GPHN: variants seen among roughly 807,000 people sequenced by gnomAD.
GPHN encodes the protein gephyrin.
A neutral mutation model predicts 95.5 loss-of-function variants in GPHN; 17 were observed. The observed-to-expected ratio is 0.18, with a 90% CI of 0.12 to 0.27. GPHN has a LOEUF of 0.27. Ranked by LOEUF, GPHN falls within the 10% of genes least tolerant of loss-of-function variation. GPHN has a pLI of 1.00. For missense variants in GPHN, 660 were observed against 978.1 expected, an observed-to-expected ratio of 0.67 and a Z score of 4.34; for synonymous variants, 320 against 322.5, an observed-to-expected ratio of 0.99 and a Z score of 0.08.
At chr14:67,357,780 G>C in the GPHN span, among the ~76,000 whole-genome samples, 1 of 152,210 alleles carries the variant, frequency 6.6e-6, no homozygotes, top group Non-Finnish European at 1.5e-5. Flanking sequence ...AGAAGAGTCA[G>C]AGAAGAGAAA....
chr14:67,604,700 AAAAC>A, the GPHN span, among the ~76,000 whole-genome samples: 2 of 144,726 alleles, frequency 1.4e-5, no homozygotes, highest in Admixed American at 7.3e-5. Context: ...AGAGCGAGAA[AAAAC>A]AAACAAAACA....
chr14:66,910,637 T>C (rs1051145473), intron 5 of GPHN, among the ~76,000 whole-genome samples: 1 of 151,996 alleles, frequency 6.6e-6, no homozygotes, highest in Non-Finnish European at 1.5e-5. Context: ...CACACACATA[T>C]GTATATATAT....
At chr14:67,698,276 G>A in the GPHN span, among the ~76,000 whole-genome samples, 1 of 152,136 alleles carries the variant, frequency 6.6e-6, no homozygotes, top group Non-Finnish European at 1.5e-5. Context: ...GAGCCATAAT[G>A]GAATCTAGAT....
chr14:67,248,300 C>T, the GPHN span, among the ~76,000 whole-genome samples: 4 of 151,708 alleles, frequency 2.6e-5, no homozygotes, highest in Non-Finnish European at 5.9e-5. Flanking sequence ...GTGGGAGGGT[C>T]GCTTGAGCCC....
chr14:67,146,004 G>T (rs2080875025), intron 18 of GPHN, among the ~76,000 whole-genome samples: 1 of 152,164 alleles, frequency 6.6e-6, no homozygotes, highest in Admixed American at 6.5e-5. Context: ...GACACAGCTG[G>T]TCACTGGTCT....
intron 1 of GPHN, among the ~76,000 whole-genome samples, chr14:66,604,921 G>T (rs75077884): frequency 7.6e-6 from 1 of 131,682 alleles, no homozygotes. Context: ...TATGTATTCC[G>T]TTATTTAGGT....
At chr14:67,573,400 C>T in the GPHN span, 12 of 1,448,440 alleles carry the variant, frequency 8.3e-6, no homozygotes, top group East Asian at 6.8e-5. The surrounding 1 kb of genome is among the most constrained non-coding windows in gnomAD (Gnocchi z 4.8). Flanking sequence ...AGAGTCTCCC[C>T]GCCCAGCACT....
chr14:67,492,180 G>A, the GPHN span, among the ~76,000 whole-genome samples: 17 of 152,254 alleles, frequency 1.1e-4, no homozygotes, highest in African/African-American at 3.4e-4. Flanking sequence ...GCCTTGGAGG[G>A]TGGTCTCTGG....
the GPHN span, chr14:67,648,933 T>C: frequency 6.6e-6 from 1 of 152,230 alleles, no homozygotes; most frequent in African/African-American, 2.4e-5. Flanking sequence ...TTCAGGGCTA[T>C]AGAGAACCCT....
chr14:66,917,112 G>T (rs1404694430), intron 6 of GPHN, among the ~76,000 whole-genome samples: 3 of 152,126 alleles, frequency 2.0e-5, no homozygotes, highest in South Asian at 2.1e-4. Context: ...ATATATCATA[G>T]AAATTAGCTG....
chr14:66,987,892 G>A (rs1232744847), intron 9 of GPHN, among the ~76,000 whole-genome samples: 1 of 152,034 alleles, frequency 6.6e-6, no homozygotes, highest in Non-Finnish European at 1.5e-5. Flanking sequence ...ACCGAAAAGA[G>A]AACAAGTTGC....
At chr14:67,579,659 C>A in the GPHN span, 1 of 1,521,158 alleles carries the variant, frequency 6.6e-7, no homozygotes, top group Non-Finnish European at 9.0e-7. Flanking sequence ...GACACCTCCA[C>A]CAGCCCTAGT....
the GPHN span, chr14:67,292,388 G>A: frequency 2.6e-5 from 16 of 625,028 alleles, no homozygotes; most frequent in African/African-American, 2.8e-4. Context: ...AATAATATAT[G>A]CAGATTTTGG....
At chr14:66,615,759 G>A (rs2062986965) in intron 1 of GPHN, among the ~76,000 whole-genome samples, 1 of 151,240 alleles carries the variant, frequency 6.6e-6, no homozygotes, top group Non-Finnish European at 1.5e-5. Context: ...TGTTGCAGTT[G>A]CTTTTGGCAT....
the GPHN span, among the ~76,000 whole-genome samples, chr14:67,631,434 C>CTTTTTTTTT: frequency 7.1e-5 from 8 of 113,124 alleles, no homozygotes; most frequent in Non-Finnish European, 1.2e-4. Context: ...TTCTTTCTTT[C>CTTTTTTTTT]TTTTTTTTTT....
chr14:67,029,186 A>G lies in GPHN; in HGVS notation c.1006+5511A>G, dbSNP rs147034555. Among the ~76,000 whole-genome samples the G allele has an allele frequency of 1.8e-4, 28 of 152,102 alleles. No homozygotes were observed. The East Asian group carries it at 4.1e-3, about 22-fold the overall frequency. ...GTTAGTTGGTTCCCTATTCTGTTTCATTGATCTATATGTCTGGCTTTATAC... is the reference window on the plus strand; with the variant it reads ...GTTAGTTGGTTCCCTATTCTGTTTCGTTGATCTATATGTCTGGCTTTATAC... On this transcript the variant is annotated intron_variant, in intron 10 of 22. Transcript: ENST00000478722.
intron 4 of GPHN, among the ~76,000 whole-genome samples, chr14:66,857,036 C>T (rs1029551566): frequency 1.3e-5 from 2 of 151,702 alleles, no homozygotes; most frequent in Admixed American, 6.6e-5. Context: ...TTACTAAAGA[C>T]AGAAAAAAGA....
intron 1 of GPHN, among the ~76,000 whole-genome samples, chr14:66,600,217 A>G (rs1236389554): frequency 1.3e-5 from 2 of 152,072 alleles, no homozygotes; most frequent in African/African-American, 2.4e-5. Context: ...TATAAAAATA[A>G]TTTGGAAATT....
chr14:67,311,201 C>T, the GPHN span, among the ~76,000 whole-genome samples: 5 of 151,378 alleles, frequency 3.3e-5, no homozygotes, highest in Admixed American at 2.6e-4. Context: ...ATCCCAGCTA[C>T]TCGGGAGGCT....
Sources: gnomAD v4.1 joint callset for allele counts (sites outside exome capture counted in the v4.1 genomes callset) on GRCh38, gnomAD v4.1.1 for gene constraint, Gnocchi (gnomAD v3.1) non-coding constraint, MANE v1.5 for transcripts, NCBI Gene and HGNC (gene_info 2026-07-23, HGNC 2026-07-21) for gene names.